Variants in ROBO2 observed in about 807,000 individuals in gnomAD.
The protein encoded by ROBO2 is roundabout guidance receptor 2.
In ROBO2, 53 loss-of-function variants were observed where a neutral mutation model predicts 160.8. The ratio of observed to expected loss-of-function variants is 0.33; its 90% CI spans 0.26 to 0.41. The LOEUF (loss-of-function observed/expected upper bound fraction) is 0.41. Among genes scored for constraint, ROBO2 ranks in the 10% least tolerant of loss-of-function variants. The pLI, the probability that ROBO2 is intolerant of heterozygous loss-of-function variation, is 1.00. For synonymous variants in ROBO2, 664 were observed against 611.7 expected, an observed-to-expected ratio of 1.09 and a Z score of -1.26; for missense variants, 1,577 against 1,722.4, an observed-to-expected ratio of 0.92 and a Z score of 1.49.
chr3:77,204,718 T>A (rs1268178542), intron 2 of ROBO2, among the ~76,000 whole-genome samples: 1 of 152,232 alleles, frequency 6.6e-6, no homozygotes, highest in Non-Finnish European at 1.5e-5. Flanking sequence ...AATTTAGTGT[T>A]TTCTCTCGAA....
intron 2 of ROBO2, among the ~76,000 whole-genome samples, chr3:76,205,829 T>G (rs1024173735): frequency 6.6e-6 from 1 of 152,146 alleles, no homozygotes; most frequent in Non-Finnish European, 1.5e-5. Flanking sequence ...GCCTGTTTTC[T>G]AACTTGTCAC....
At chr3:77,365,930 G>T (rs185595629) in intron 2 of ROBO2, among the ~76,000 whole-genome samples, 1 of 152,288 alleles carries the variant, frequency 6.6e-6, no homozygotes. Context: ...ACCCAAGGTG[G>T]TGGTAAGGAC....
chr3:77,226,443 A>G (rs1157084851), intron 2 of ROBO2, among the ~76,000 whole-genome samples: 1 of 151,726 alleles, frequency 6.6e-6, no homozygotes, highest in Non-Finnish European at 1.5e-5. Context: ...TCCACTCTTC[A>G]TTACACCTAC....
chr3:77,278,999 G>T (rs1425859366), intron 2 of ROBO2, among the ~76,000 whole-genome samples: 1 of 152,208 alleles, frequency 6.6e-6, no homozygotes, highest in African/African-American at 2.4e-5. Flanking sequence ...TTTTACTGAA[G>T]AGGAGACAAA....
chr3:76,783,520 T>C lies in ROBO2; in HGVS notation c.110-314494T>C, dbSNP rs189762997. On this transcript the variant is annotated intron_variant, in intron 2 of 26. Transcript: ENST00000487694. ...TTTGTTTGGTAGTTTCTTTCTTTTTTTTTTTTTTCCAGTGCTTTCAATATG... is the reference window on the plus strand; with the variant it reads ...TTTGTTTGGTAGTTTCTTTCTTTTTCTTTTTTTTCCAGTGCTTTCAATATG... Among the ~76,000 whole-genome samples the C allele has an allele frequency of 3.3e-4, 50 of 150,496 alleles. No individual in the cohort carries two copies. The East Asian group carries it at 9.4e-3, about 28-fold the overall frequency.
intron 2 of ROBO2, among the ~76,000 whole-genome samples, chr3:76,419,200 C>T (rs186458114): frequency 2.0e-4 from 30 of 152,178 alleles, no homozygotes; most frequent in African/African-American, 6.0e-4. Flanking sequence ...TGCCACGGTG[C>T]GAGTTATTTG....
At chr3:77,120,919 A>G (rs184086959) in intron 2 of ROBO2, among the ~76,000 whole-genome samples, 13 of 152,266 alleles carry the variant, frequency 8.5e-5, no homozygotes, top group Non-Finnish European at 1.6e-4. Context: ...TGAGCAAATT[A>G]ATGGTGGAAA....
Position 76,753,992 on chromosome 3 carries a change from T to C in ROBO2, c.110-344022T>C, listed in dbSNP as rs145843351. On this transcript the variant is annotated intron_variant, in intron 2 of 26. Coordinates refer to the ROBO2 transcript ENST00000487694. ...ATCCAATATATAAAACCTATATAAA[T>C]CAGTGAAAATAATACTACCTGCTAC... Among the ~76,000 whole-genome samples the C allele has an allele frequency of 2.3e-3, 354 of 152,014 alleles. 2 individuals are homozygous for C. Among genetic ancestry groups the C allele is most frequent in the African/African-American group, 8.1e-3 (335 of 41,538 alleles).
At chr3:77,293,971 C>A (rs1166745661) in intron 2 of ROBO2, among the ~76,000 whole-genome samples, 15 of 136,222 alleles carry the variant, frequency 1.1e-4, no homozygotes, top group South Asian at 4.7e-4. Flanking sequence ...TAGATCACCC[C>A]AGACATAAAG....
chr3:76,799,545 C>G (rs771051748), intron 2 of ROBO2, among the ~76,000 whole-genome samples: 5 of 146,552 alleles, frequency 3.4e-5, no homozygotes, highest in Non-Finnish European at 6.0e-5. Context: ...ACAAAATTAA[C>G]ATACAAAAAT....
intron 2 of ROBO2, among the ~76,000 whole-genome samples, chr3:76,165,697 C>G (rs987696035): frequency 6.6e-6 from 1 of 152,152 alleles, no homozygotes; most frequent in Non-Finnish European, 1.5e-5. Flanking sequence ...AGACATGCAT[C>G]TCTTCCTTTC....
chr3:76,859,898 C>A (rs1442185400), intron 2 of ROBO2, among the ~76,000 whole-genome samples: 1 of 152,088 alleles, frequency 6.6e-6, no homozygotes, highest in Non-Finnish European at 1.5e-5. Flanking sequence ...CCAGATATGA[C>A]ATCTGTGGCA....
intron 2 of ROBO2, among the ~76,000 whole-genome samples, chr3:76,031,719 G>A (rs186462772): frequency 1.6e-3 from 251 of 152,216 alleles, no homozygotes; most frequent in African/African-American, 4.0e-3. Flanking sequence ...AAGCCAACTC[G>A]ATCTTGGTGG....
At chr3:77,008,159 A>G (rs1329686210) in intron 2 of ROBO2, among the ~76,000 whole-genome samples, 2 of 152,078 alleles carry the variant, frequency 1.3e-5, no homozygotes, top group Non-Finnish European at 2.9e-5. Flanking sequence ...TACTCTACGA[A>G]TTGTTCCCCA....
chr3:77,386,865 A>T (rs555680881), intron 2 of ROBO2, among the ~76,000 whole-genome samples: 3 of 151,966 alleles, frequency 2.0e-5, no homozygotes, highest in Non-Finnish European at 4.4e-5. Flanking sequence ...GGCCTCCCAA[A>T]GTGCTGGGAT....
At chr3:76,125,084 G>T (rs1559571135) in intron 2 of ROBO2, among the ~76,000 whole-genome samples, 1 of 152,122 alleles carries the variant, frequency 6.6e-6, no homozygotes, top group Non-Finnish European at 1.5e-5. Flanking sequence ...ACCTATAAGT[G>T]AGACCATGTG....
chr3:76,828,664 C>T (rs571866258), intron 2 of ROBO2, among the ~76,000 whole-genome samples: 23 of 152,052 alleles, frequency 1.5e-4, no homozygotes, highest in South Asian at 6.2e-4. Flanking sequence ...ATAAAATATT[C>T]ACCTTCATAG....
intron 2 of ROBO2, among the ~76,000 whole-genome samples, chr3:77,313,670 C>T (rs542158996): frequency 9.2e-5 from 14 of 152,106 alleles, no homozygotes; most frequent in African/African-American, 3.1e-4. Flanking sequence ...CTGCAACCTC[C>T]GCCTCTTCGT....
At chr3:76,300,939 CTTTAT>C (rs1559733590) in intron 2 of ROBO2, among the ~76,000 whole-genome samples, 2 of 152,002 alleles carry the variant, frequency 1.3e-5, no homozygotes, top group Admixed American at 6.6e-5. Flanking sequence ...ATGACATACT[CTTTAT>C]CTAAGCAATG....
Sources: gnomAD v4.1 joint callset for allele counts (sites outside exome capture counted in the v4.1 genomes callset) on GRCh38, gnomAD v4.1.1 for gene constraint, MANE v1.5 for transcripts, NCBI Gene and HGNC (gene_info 2026-07-23, HGNC 2026-07-21) for gene names.